The following AUTS2 variants were observed in gnomAD, a reference collection of about 807,000 sequenced individuals.
AUTS2 encodes autism susceptibility gene 2 protein.
Under a neutral mutation model 112.4 loss-of-function variants are expected in AUTS2, and 17 were observed. That is an observed-to-expected ratio of 0.15 (90% CI 0.10 to 0.23). The LOEUF (loss-of-function observed/expected upper bound fraction) is 0.23, where lower values mean the gene tolerates loss of function less well. Among genes scored for constraint, AUTS2 ranks in the 10% least tolerant of loss-of-function variants. AUTS2 has a pLI of 1.00. For missense variants in AUTS2, 1,510 were observed against 1,701.6 expected, an observed-to-expected ratio of 0.89 and a Z score of 1.98; for synonymous variants, 751 against 702.7, an observed-to-expected ratio of 1.07 and a Z score of -1.09.
intron 2 of AUTS2, among the ~76,000 whole-genome samples, chr7:69,938,843 T>C (rs2129544739): frequency 6.6e-6 from 1 of 152,234 alleles, no homozygotes; most frequent in South Asian, 2.1e-4. Flanking sequence ...GTGAGGTGAT[T>C]GGAAGGGACT....
intron 5 of AUTS2, among the ~76,000 whole-genome samples, chr7:70,671,101 G>A (rs1309966963): frequency 1.3e-5 from 2 of 152,192 alleles, no homozygotes; most frequent in South Asian, 2.1e-4. Context: ...GAACCTGGTG[G>A]GGGGATGGGG....
chr7:69,888,540 GAT>G (rs60804022), intron 1 of AUTS2, among the ~76,000 whole-genome samples: 1,541 of 99,150 alleles, frequency 0.016, 17 homozygotes, highest in Middle Eastern at 0.04. Context: ...CAACATTGGG[GAT>G]ATATATATAT....
chr7:69,806,645 T>C (rs1439561720), intron 1 of AUTS2, among the ~76,000 whole-genome samples: 1 of 152,162 alleles, frequency 6.6e-6, no homozygotes, highest in Non-Finnish European at 1.5e-5. Context: ...ATTTTTTTGA[T>C]GAGCTAGACT....
chr7:70,441,557 A>T (rs1017967744), intron 5 of AUTS2, among the ~76,000 whole-genome samples: 1 of 151,996 alleles, frequency 6.6e-6, no homozygotes, highest in African/African-American at 2.4e-5. Flanking sequence ...AGATAACTTA[A>T]ATTTTATTCT....
At chr7:70,098,188 A>AT (rs574585832) in intron 2 of AUTS2, among the ~76,000 whole-genome samples, 50 of 152,348 alleles carry the variant, frequency 3.3e-4, no homozygotes, top group African/African-American at 1.2e-3. Context: ...ACTTTAAGTC[A>AT]TTAGAAGCCC....
At chr7:70,647,598 C>A (rs111488542) in intron 5 of AUTS2, among the ~76,000 whole-genome samples, 1 of 152,304 alleles carries the variant, frequency 6.6e-6, no homozygotes, top group Non-Finnish European at 1.5e-5. Context: ...CAAACTGAGA[C>A]AAGGCATCCT....
At chr7:69,835,166 C>G (rs1791667749) in intron 1 of AUTS2, among the ~76,000 whole-genome samples, 1 of 151,888 alleles carries the variant, frequency 6.6e-6, no homozygotes, top group Admixed American at 6.6e-5. Flanking sequence ...TCACTAATTT[C>G]TAGGTTTGTT....
At chr7:69,846,292 T>C (rs1792198183) in intron 1 of AUTS2, among the ~76,000 whole-genome samples, 1 of 152,210 alleles carries the variant, frequency 6.6e-6, no homozygotes, top group Non-Finnish European at 1.5e-5. Flanking sequence ...ATTAGCCTTT[T>C]TGGCAGTCTT....
At chr7:70,022,948 G>A (rs1800341442) in intron 2 of AUTS2, among the ~76,000 whole-genome samples, 1 of 152,008 alleles carries the variant, frequency 6.6e-6, no homozygotes, top group African/African-American at 2.4e-5. Context: ...AACTTCTGGG[G>A]TCAGGCAGTC....
At chr7:70,630,439 G>A (rs528446139) in intron 5 of AUTS2, among the ~76,000 whole-genome samples, 22 of 152,234 alleles carry the variant, frequency 1.4e-4, no homozygotes, top group Non-Finnish European at 2.6e-4. Context: ...AGTAAATTGT[G>A]TTCTCGGCTC....
At position 70,469,955 on chromosome 7, in the gene AUTS2, G is replaced by A. The variant is rs114383890; in HGVS notation, c.690+34174G>A. On this transcript the variant is annotated intron_variant, in intron 5 of 18. Coordinates refer to ENST00000342771, the MANE Select transcript of AUTS2 (RefSeq NM_015570.4). ...GCGCCCAGCCAGGTTCATGGTTTTA[G>A]AGACTCAGTCTGGAGATAAGCTTAG... Among the ~76,000 whole-genome samples the A allele has an allele frequency of 4.2e-3, 642 of 151,816 alleles. 6 individuals carry two copies. The highest frequency in any genetic ancestry group is 0.015 in the African/African-American group (607 of 41,420).
intron 5 of AUTS2, among the ~76,000 whole-genome samples, chr7:70,482,135 G>A: frequency 6.6e-6 from 1 of 152,182 alleles, no homozygotes; most frequent in African/African-American, 2.4e-5. Flanking sequence ...TGATCGTAAT[G>A]AAATTTTCAG....
At chr7:70,540,161 G>A (rs990130247) in intron 5 of AUTS2, among the ~76,000 whole-genome samples, 3 of 152,134 alleles carry the variant, frequency 2.0e-5, no homozygotes, top group African/African-American at 7.2e-5. Flanking sequence ...GAAAATAAGT[G>A]TCTCATAGTC....
At position 70,673,034 on chromosome 7, in the gene AUTS2, G is replaced by A. The variant is rs931531088; in HGVS notation, c.691-25535G>A. On this transcript the variant is annotated intron_variant, in intron 5 of 18. Transcript: ENST00000342771. ...GACACAGCAGGGCACTTGCTTGCTT[G>A]GGTCAGCCCAGCCTAGAAAGTCAGA... is the stretch of plus-strand genomic sequence containing the variant. Among the ~76,000 whole-genome samples the A allele has an allele frequency of 3.3e-5, 5 of 152,310 alleles. No homozygotes were observed. The East Asian group carries it at 9.6e-4, about 29-fold the overall frequency.
At chr7:69,748,010 C>T (rs533629779) in intron 1 of AUTS2, among the ~76,000 whole-genome samples, 61 of 151,482 alleles carry the variant, frequency 4.0e-4, no homozygotes, top group Admixed American at 2.2e-3. Context: ...AAAGCCAAAT[C>T]GAATCTAGAT....
At chr7:70,513,303 C>G (rs1799277036) in intron 5 of AUTS2, among the ~76,000 whole-genome samples, 1 of 152,204 alleles carries the variant, frequency 6.6e-6, no homozygotes, top group Non-Finnish European at 1.5e-5. Flanking sequence ...GTGGCTATTT[C>G]TGATCAGACC....
intron 1 of AUTS2, among the ~76,000 whole-genome samples, chr7:69,665,156 A>G (rs1052218782): frequency 6.6e-6 from 1 of 152,066 alleles, no homozygotes; most frequent in Non-Finnish European, 1.5e-5. Context: ...CACTTTCCAC[A>G]TGTACCCCCA....
At chr7:69,676,954 C>T (rs931850403) in intron 1 of AUTS2, among the ~76,000 whole-genome samples, 3 of 152,010 alleles carry the variant, frequency 2.0e-5, no homozygotes, top group Non-Finnish European at 4.4e-5. Context: ...CACACAGCTT[C>T]TCATCATTCA....
intron 5 of AUTS2, among the ~76,000 whole-genome samples, chr7:70,441,295 C>T (rs1019914796): frequency 2.2e-4 from 33 of 152,188 alleles, no homozygotes; most frequent in African/African-American, 5.8e-4. Flanking sequence ...GTCCTGTACC[C>T]AGGACAGCCT....
Sources: allele counts gnomAD v4.1 joint callset (sites outside exome capture counted in the v4.1 genomes callset), GRCh38; gene constraint gnomAD v4.1.1; transcripts MANE v1.5; gene names NCBI Gene and HGNC (gene_info 2026-07-23, HGNC 2026-07-21).